Variants in TNIK observed in about 807,000 individuals in gnomAD.
TNIK encodes the protein TRAF2 and NCK-interacting protein kinase.
TNIK carries 49 observed loss-of-function variants against 191.3 expected under a neutral mutation model. The observed-to-expected ratio is 0.26, with a 90% CI of 0.20 to 0.32. The LOEUF (loss-of-function observed/expected upper bound fraction) is 0.32, where lower values mean the gene tolerates loss of function less well. TNIK is among the 10% of genes least tolerant of loss of function. The pLI, the probability that TNIK is intolerant of heterozygous loss-of-function variation, is 1.00. For synonymous variants in TNIK, 594 were observed against 600.9 expected, an observed-to-expected ratio of 0.99 and a Z score of 0.17; for missense variants, 1,155 against 1,702.3, an observed-to-expected ratio of 0.68 and a Z score of 5.66.
At position 171,102,966 on chromosome 3, in the gene TNIK, A is replaced by G. The variant is rs140636118; in HGVS notation, c.2407-1333T>C. 3.3e-5 allele frequency among the ~76,000 whole-genome samples: 5 copies of G among 152,328 alleles called. No individual in the cohort carries two copies. The East Asian group carries it at 7.7e-4, about 23-fold the overall frequency. On this transcript the variant is annotated intron_variant, in intron 21 of 32. Coordinates refer to ENST00000436636, the MANE Select transcript of TNIK (RefSeq NM_015028.4). ...CATTACTATTTTGGTTCACACTAGGAAAGGAAACACTTTAGGTGTTTTACG... is the reference window on the plus strand; with the variant it reads ...CATTACTATTTTGGTTCACACTAGGGAAGGAAACACTTTAGGTGTTTTACG...
chr3:171,107,178 C>T lies in TNIK; in HGVS notation c.2406+5G>A. 1 of 1,611,774 alleles carries T rather than the reference C, an allele frequency of 6.2e-7. No individual in the cohort carries two copies. Among genetic ancestry groups the T allele is most frequent in the Non-Finnish European group, 8.5e-7 (1 of 1,179,120 alleles). Reference sequence around the variant, plus strand: ...AAAGCATGACCAAGAAAAGGTAATACTAACCTCATCTATAGCTTTTTTGTA... The same window carrying T: ...AAAGCATGACCAAGAAAAGGTAATATTAACCTCATCTATAGCTTTTTTGTA... On this transcript the variant is annotated splice_donor_5th_base_variant and intron_variant, in intron 21 of 32. Transcript: ENST00000436636.
intron 12 of TNIK, among the ~76,000 whole-genome samples, chr3:171,152,715 G>A (rs948106151): frequency 6.6e-6 from 1 of 152,088 alleles, no homozygotes; most frequent in Non-Finnish European, 1.5e-5. Flanking sequence ...GAAAAGACAG[G>A]AAATGAAAGA....
chr3:171,092,491 G>A (rs900582514), intron 23 of TNIK, among the ~76,000 whole-genome samples: 4 of 152,134 alleles, frequency 2.6e-5, no homozygotes, highest in Non-Finnish European at 5.9e-5. Context: ...TTTCCTAAGT[G>A]GTAAGTTATA....
At chr3:171,384,242 T>C (rs1448949942) in intron 1 of TNIK, among the ~76,000 whole-genome samples, 1 of 152,236 alleles carries the variant, frequency 6.6e-6, no homozygotes, top group African/African-American at 2.4e-5. Context: ...TCTGTCTTAC[T>C]GCACTTGGAA....
chr3:171,104,531 G>C (rs926345498), intron 21 of TNIK, among the ~76,000 whole-genome samples: 15 of 152,114 alleles, frequency 9.9e-5, no homozygotes, highest in Admixed American at 6.5e-4. Flanking sequence ...TGTGAAGATA[G>C]CTACGAGGCT....
At chr3:171,154,534 A>G (rs965700629) in intron 12 of TNIK, among the ~76,000 whole-genome samples, 17 of 152,338 alleles carry the variant, frequency 1.1e-4, no homozygotes, top group African/African-American at 4.1e-4. Context: ...TATATAAATC[A>G]CTAATATCAT....
At chr3:171,190,100 G>A (rs556096099) in intron 6 of TNIK, among the ~76,000 whole-genome samples, 1 of 152,306 alleles carries the variant, frequency 6.6e-6, no homozygotes, top group East Asian at 1.9e-4. Context: ...TCAAATGCAT[G>A]TGGTAATTCT....
intron 15 of TNIK, among the ~76,000 whole-genome samples, chr3:171,135,743 C>T (rs761492364): frequency 1.3e-5 from 2 of 152,174 alleles, no homozygotes; most frequent in Non-Finnish European, 2.9e-5. Flanking sequence ...GGAAACCTCA[C>T]ATCAGGAGTG....
At chr3:171,112,922 C>G (rs1343542817) in intron 18 of TNIK, among the ~76,000 whole-genome samples, 1 of 152,118 alleles carries the variant, frequency 6.6e-6, no homozygotes, top group South Asian at 2.1e-4. Flanking sequence ...AATAGCCAAT[C>G]ACATTTCTAT....
At chr3:171,236,947 G>A (rs1200795452) in intron 2 of TNIK, among the ~76,000 whole-genome samples, 1 of 152,146 alleles carries the variant, frequency 6.6e-6, no homozygotes, top group Non-Finnish European at 1.5e-5. Context: ...GGGGGAAATA[G>A]ATGATAATAA....
chr3:171,364,313 G>T (rs1559978260), intron 2 of TNIK, among the ~76,000 whole-genome samples: 1 of 151,524 alleles, frequency 6.6e-6, no homozygotes, highest in Non-Finnish European at 1.5e-5. Flanking sequence ...TCTTGCTTCT[G>T]CAGACTACTG....
At chr3:171,309,412 A>G (rs1303036771) in intron 2 of TNIK, among the ~76,000 whole-genome samples, 1 of 152,068 alleles carries the variant, frequency 6.6e-6, no homozygotes, top group African/African-American at 2.4e-5. Flanking sequence ...AAAGTGGAGG[A>G]TGGGAGGAGG....
chr3:171,121,831 A>T (rs550801215), intron 18 of TNIK, among the ~76,000 whole-genome samples: 4 of 152,318 alleles, frequency 2.6e-5, no homozygotes, highest in African/African-American at 9.6e-5. Context: ...ATGATAGCAT[A>T]AAAAGGGGTG....
intron 1 of TNIK, among the ~76,000 whole-genome samples, chr3:171,435,400 AGAGCTCTGT>A (rs1345130566): frequency 4.6e-5 from 7 of 152,214 alleles, no homozygotes; most frequent in Admixed American, 4.6e-4. Flanking sequence ...AAACACATCC[AGAGCTCTGT>A]GAGAAAGAAA....
chr3:171,369,739 C>A, intron 1 of TNIK, 54 bp from the exon 2 acceptor site: 1 of 1,428,688 alleles, frequency 7.0e-7, no homozygotes, highest in South Asian at 1.3e-5. Context: ...CAGGCATTGC[C>A]TTAATCAAAA....
intron 4 of TNIK, among the ~76,000 whole-genome samples, chr3:171,205,615 T>G (rs1336250688): frequency 6.6e-6 from 1 of 152,178 alleles, no homozygotes; most frequent in East Asian, 1.9e-4. Context: ...TAAAACAGTT[T>G]CCTAACTGGT....
intron 7 of TNIK, among the ~76,000 whole-genome samples, chr3:171,182,093 G>T (rs775657306): frequency 1.0e-4 from 15 of 150,308 alleles, no homozygotes; most frequent in South Asian, 2.1e-4. Context: ...AAATACCTGT[G>T]CATACTCTGC....
At chr3:171,317,731 G>T (rs1319777917) in intron 2 of TNIK, among the ~76,000 whole-genome samples, 3 of 152,130 alleles carry the variant, frequency 2.0e-5, no homozygotes, top group Non-Finnish European at 2.9e-5. Context: ...TTGTTATTTA[G>T]GTTATAAGAC....
intron 2 of TNIK, 48 bp from the exon 3 acceptor site, chr3:171,228,269 G>A: frequency 1.2e-6 from 2 of 1,606,772 alleles, no homozygotes; most frequent in Non-Finnish European, 1.7e-6. Flanking sequence ...ATGATGAATA[G>A]TAGCATTCAA....
Sources: gnomAD v4.1 joint callset for allele counts (sites outside exome capture counted in the v4.1 genomes callset) on GRCh38, gnomAD v4.1.1 for gene constraint, MANE v1.5 for transcripts, NCBI Gene and HGNC (gene_info 2026-07-23, HGNC 2026-07-21) for gene names.